Variants in PDE4DIP observed in about 807,000 individuals in gnomAD.
PDE4DIP encodes the protein phosphodiesterase 4D interacting protein.
A neutral mutation model predicts 221.4 loss-of-function variants in PDE4DIP; 59 were observed. The observed-to-expected ratio is 0.27, with a 90% CI of 0.22 to 0.33. The LOEUF is 0.33. Ranked by LOEUF, PDE4DIP falls within the 10% of genes least tolerant of loss-of-function variation. The probability of loss-of-function intolerance (pLI) is 1.00; values close to 1 mark genes in which losing one functional copy is unlikely to be tolerated. For synonymous variants in PDE4DIP, 404 were observed against 815.9 expected, an observed-to-expected ratio of 0.50 and a Z score of 8.60; for missense variants, 1,036 against 2,154.2, an observed-to-expected ratio of 0.48 and a Z score of 10.28.
At chr1:149,029,849 C>G (rs79028512) in exon 42 of PDE4DIP, 3 of 1,608,458 alleles carry the variant, frequency 1.9e-6, no homozygotes, top group Middle Eastern at 2.3e-4. Flanking sequence ...AGGAGCGACT[C>G]CTTCAGAGCA....
chr1:149,022,735 A>C lies in PDE4DIP; in HGVS notation c.6085+1582A>C, dbSNP rs587635451. Among the ~76,000 whole-genome samples, 15 of 151,656 alleles carry C rather than the reference A, an allele frequency of 9.9e-5. No individual in the cohort carries two copies. The East Asian group carries it at 1.8e-3, about 18-fold the overall frequency. ...GGTAAAAGTTGACATTCTGTATAGT[A>C]GATAATGAAACTAAGTCTGTTCTTT... On this transcript the variant is annotated intron_variant, in intron 37 of 43. Transcript: ENST00000369354.
At chr1:149,022,096 G>A (rs587766127) in intron 37 of PDE4DIP, among the ~76,000 whole-genome samples, 13 of 149,854 alleles carry the variant, frequency 8.7e-5, no homozygotes, top group African/African-American at 2.5e-4. Flanking sequence ...TGGACATGAG[G>A]GTTTGGGGTT....
rs2042531836 is a variant in PDE4DIP at position 148,910,214 on chromosome 1, A to G, written c.142-18983A>G. 2.0e-5 allele frequency among the ~76,000 whole-genome samples: 2 copies of G among 101,918 alleles called. 1 individual carries two copies. Among genetic ancestry groups the G allele is most frequent in the South Asian group, 8.3e-4 (2 of 2,400 alleles). The allele number at this position is 101,918 out of a possible 152,430, so 66.9% of individuals were successfully genotyped here. A position where few individuals can be genotyped will look rare whatever the true frequency, so the allele number is the denominator to read the frequency against. Reference sequence around the variant, plus strand: ...AAATATTATAAATAAAGTATGTAGAATGTTGGAAAGTGAAAGTCCTCTTGG... The same window carrying G: ...AAATATTATAAATAAAGTATGTAGAGTGTTGGAAAGTGAAAGTCCTCTTGG... On this transcript the variant is annotated intron_variant, in intron 1 of 43. Coordinates refer to ENST00000369354, the Ensembl canonical transcript of PDE4DIP.
chr1:148,967,011 T>C, intron 12 of PDE4DIP, 35 bp downstream of exon 15: 1 of 942,140 alleles, frequency 1.1e-6, no homozygotes, highest in Non-Finnish European at 1.7e-6. Context: ...TTGGTGTTCC[T>C]CTCCCACTTG....
At chr1:148,922,553 A>AAAAACAAAAAC (rs1407398254) in intron 1 of PDE4DIP, among the ~76,000 whole-genome samples, 1 of 141,436 alleles carries the variant, frequency 7.1e-6, no homozygotes, top group Non-Finnish European at 1.5e-5. Flanking sequence ...AGACTGTCAA[A>AAAAACAAAAAC]AAAACAAAAA....
chr1:148,884,996 A>G (rs1342070625), upstream of PDE4DIP, among the ~76,000 whole-genome samples: 1 of 149,236 alleles, frequency 6.7e-6, no homozygotes, highest in African/African-American at 2.5e-5. Context: ...TGAGAAATAA[A>G]TCAGCAGGTT....
chr1:148,952,024 G>T, intron 5 of PDE4DIP: 3 of 1,004,182 alleles, frequency 3.0e-6, no homozygotes, highest in Non-Finnish European at 3.6e-6. Context: ...GCGCTGCCCC[G>T]CTGGCAGCCG....
At position 148,934,163 on chromosome 1, in the gene PDE4DIP, G is replaced by A. The variant is rs375377964; in HGVS notation, c.518+1875G>A. On this transcript the variant is annotated intron_variant, in intron 4 of 43. Transcript: ENST00000369354. ...AGTGAACCTCACTAAGGCATCAATC[G>A]TCATTTCTTTGAAGGCTTTGTGATA... Among the ~76,000 whole-genome samples the A allele has an allele frequency of 2.0e-3, 302 of 151,112 alleles. 1 individual carries two copies. Among genetic ancestry groups the A allele is most frequent in the Middle Eastern group, 0.017 (5 of 294 alleles).
At chr1:149,013,875 C>T (rs1193470237) in intron 32 of PDE4DIP, among the ~76,000 whole-genome samples, 1 of 146,610 alleles carries the variant, frequency 6.8e-6, no homozygotes, top group Admixed American at 7.0e-5. Flanking sequence ...GCAGTCTCTA[C>T]CTCCTGGGCT....
intron 17 of PDE4DIP, among the ~76,000 whole-genome samples, chr1:148,975,581 C>T (rs1553536817): frequency 1.3e-5 from 2 of 152,172 alleles, no homozygotes; most frequent in East Asian, 1.9e-4. Flanking sequence ...TATGCTTTAA[C>T]TCGCTCTAGC....
chr1:148,978,437 CTTAT>C, intron 19 of PDE4DIP, 22 bp downstream of exon 22: 3 of 1,466,108 alleles, frequency 2.0e-6, no homozygotes, highest in Non-Finnish European at 2.8e-6. Context: ...GAATATAAAC[CTTAT>C]TTATTTATTT....
At chr1:148,893,183 C>T (rs1553438891) in intron 1 of PDE4DIP, among the ~76,000 whole-genome samples, 4 of 142,076 alleles carry the variant, frequency 2.8e-5, no homozygotes, top group Non-Finnish European at 4.6e-5. Flanking sequence ...AATTCCTGGG[C>T]TCAAGTGATC....
exon 44 of PDE4DIP, chr1:149,031,982 G>C (rs1314162623): frequency 6.2e-7 from 1 of 1,610,224 alleles, no homozygotes; most frequent in Non-Finnish European, 8.5e-7. Context: ...CTCCAGCCTT[G>C]TGACCCTTGC....
In PDE4DIP at chr1:149,029,935, C is replaced by G. The variant is rs1553635039; in HGVS notation, c.6952+10C>G. ...TTCATCGTCAGCCAGCGTAGGTTCCCTGAGAGGGAATGGGGGAAGAAACAG... is the reference window on the plus strand; with the variant it reads ...TTCATCGTCAGCCAGCGTAGGTTCCGTGAGAGGGAATGGGGGAAGAAACAG... On this transcript the variant is annotated intron_variant, in intron 42 of 43. Transcript: ENST00000369354. 2 of 1,329,132 alleles carry G rather than the reference C, an allele frequency of 1.5e-6. No homozygotes were observed. Among genetic ancestry groups the G allele is most frequent in the South Asian group, 2.5e-5 (2 of 81,204 alleles). 82.3% of individuals were successfully genotyped at this position (1,329,132 alleles called of 1,614,324 possible). A position where few individuals can be genotyped will look rare whatever the true frequency, so the allele number is the denominator to read the frequency against.
At chr1:148,960,913 ATATTT>A in intron 6 of PDE4DIP, 128 bp downstream of exon 9, 1 of 605,966 alleles carries the variant, frequency 1.7e-6, no homozygotes, top group Non-Finnish European at 3.0e-6. Flanking sequence ...GCTCTAGGGA[ATATTT>A]CATGTAAAAG....
chr1:148,986,675 CAG>C (rs1553550037), intron 21 of PDE4DIP, among the ~76,000 whole-genome samples: 1 of 152,058 alleles, frequency 6.6e-6, no homozygotes. Context: ...ACTAAAGAAA[CAG>C]TGTTATACTT....
At chr1:149,032,358 C>T in exon 44 of PDE4DIP, 1 of 541,474 alleles carries the variant, frequency 1.8e-6, no homozygotes, top group Non-Finnish European at 3.3e-6. Context: ...ATGGAAAACT[C>T]AGTGAATATA....
chr1:148,999,888 G>T (rs1157632329), intron 23 of PDE4DIP, among the ~76,000 whole-genome samples: 1 of 150,734 alleles, frequency 6.6e-6, no homozygotes, highest in African/African-American at 2.5e-5. Context: ...CTTTCAAGAA[G>T]GTTTTGTTGA....
At chr1:148,992,357 C>T (rs1359338934) in intron 22 of PDE4DIP, 7 of 1,543,394 alleles carry the variant, frequency 4.5e-6, no homozygotes, top group Non-Finnish European at 6.1e-6. Context: ...CATCGAAGGG[C>T]TGCTCGGGGA....
Sources: gnomAD v4.1 joint callset for allele counts (sites outside exome capture counted in the v4.1 genomes callset) on GRCh38, gnomAD v4.1.1 for gene constraint, MANE v1.5 for transcripts, NCBI Gene and HGNC (gene_info 2026-07-23, HGNC 2026-07-21) for gene names.